The following RAP2A variants were observed in gnomAD, a reference collection of about 807,000 sequenced individuals.
RAP2A encodes ras-related protein Rap-2a.
A neutral mutation model predicts 15.1 loss-of-function variants in RAP2A; 5 were observed. The ratio of observed to expected loss-of-function variants is 0.33; its 90% CI spans 0.17 to 0.70. The LOEUF is 0.70. Ranked by LOEUF, RAP2A falls within the 30% of genes least tolerant of loss-of-function variation. RAP2A has a pLI of 0.68. For missense variants in RAP2A, 111 were observed against 240.3 expected, an observed-to-expected ratio of 0.46 and a Z score of 3.56; for synonymous variants, 110 against 99.7, an observed-to-expected ratio of 1.10 and a Z score of -0.62.
At chr13:97,436,744 C>T (rs2066635906) in intron 1 of RAP2A, among the ~76,000 whole-genome samples, 1 of 151,986 alleles carries the variant, frequency 6.6e-6, no homozygotes, top group Non-Finnish European at 1.5e-5. Flanking sequence ...TTCTGCATGC[C>T]CAGTATCATT....
chr13:97,437,906 G>A (rs970937332), intron 1 of RAP2A, among the ~76,000 whole-genome samples: 5 of 152,138 alleles, frequency 3.3e-5, no homozygotes, highest in African/African-American at 9.7e-5. Flanking sequence ...TACTTGAAAT[G>A]TTTCACTTTT....
At chr13:97,451,845 A>C (rs2066703527) in intron 1 of RAP2A, among the ~76,000 whole-genome samples, 1 of 151,252 alleles carries the variant, frequency 6.6e-6, no homozygotes, top group African/African-American at 2.4e-5. Flanking sequence ...GGATTCTAGG[A>C]ACCTCAGTGT....
Position 97,464,270 on chromosome 13 carries a change from C to T in RAP2A, c.380C>T (p.Ser127Leu), listed in dbSNP as rs1308470971. ...GACCTGGAAAGTGAGAGAGAAGTAT[C>T]GTCCAGCGAAGGCAGAGCCCTTGCT... Reference protein sequence around the residue: ...KVDLESEREVSSSEGRALAEE... With the variant: ...KVDLESEREVLSSEGRALAEE... Residue 127 changes from serine to leucine, a missense_variant, in exon 2 of 2, where the codon TCG (serine) becomes TTG (leucine). Around this residue, in one of 3 missense-constraint regions of RAP2A, gnomAD observed 74 missense variants for 132.3 expected, o/e 0.56. Coordinates refer to ENST00000245304, the MANE Select transcript of RAP2A (RefSeq NM_021033.7). 1 of 1,614,214 alleles carries T rather than the reference C, an allele frequency of 6.2e-7. No homozygotes were observed.
At position 97,434,266 on chromosome 13, in the gene RAP2A, C is replaced by G. The variant is rs2066622353; in HGVS notation, c.-205C>G. Reference sequence around the variant, plus strand: ...GTGCCTACGGGGCCGCATCGCCGCCCGGCTCGGCCCGGCCCATGCCCAGGG... The same window carrying G: ...GTGCCTACGGGGCCGCATCGCCGCCGGGCTCGGCCCGGCCCATGCCCAGGG... On this transcript the variant is annotated 5_prime_UTR_variant, in exon 1 of 2. Coordinates refer to ENST00000245304, the MANE Select transcript of RAP2A (RefSeq NM_021033.7). The G allele has an allele frequency of 6.1e-6, 1 of 162,616 alleles. No individual in the cohort carries two copies. The highest frequency in any genetic ancestry group is 1.2e-5 in the Non-Finnish European group (1 of 83,254). The allele number at this position is 162,616 out of a possible 1,614,324, so 10.1% of individuals were successfully genotyped here. A position where few individuals can be genotyped will look rare whatever the true frequency, so the allele number is the denominator to read the frequency against.
intron 1 of RAP2A, among the ~76,000 whole-genome samples, chr13:97,451,232 ATTTT>A (rs765660663): frequency 1.3e-5 from 2 of 151,824 alleles, no homozygotes; most frequent in Admixed American, 1.3e-4. Flanking sequence ...AATCTTACTG[ATTTT>A]TTTTGTTTTT....
chr13:97,468,090 CA>C lies in RAP2A; in HGVS notation c.*3653del, dbSNP rs1315786755. ...TATAATGAATTTAGTACTCTTCATA[CA>C]AAAATATTTTAGCTGATTTGAGAGT... On this transcript the variant is annotated 3_prime_UTR_variant, in exon 2 of 2. Coordinates refer to ENST00000245304, the MANE Select transcript of RAP2A (RefSeq NM_021033.7). 1 of 151,962 alleles carries C rather than the reference CA, an allele frequency of 6.6e-6. No individual in the cohort carries two copies. 9.4% of individuals were successfully genotyped at this position (151,962 alleles called of 1,614,324 possible). A position where few individuals can be genotyped will look rare whatever the true frequency, so the allele number is the denominator to read the frequency against.
At chr13:97,447,411 A>C (rs968047120) in intron 1 of RAP2A, among the ~76,000 whole-genome samples, 3 of 152,210 alleles carry the variant, frequency 2.0e-5, no homozygotes, top group Non-Finnish European at 4.4e-5. Context: ...TCTGTTGATG[A>C]AGAAAGAGTC....
chr13:97,443,784 C>G (rs946349412), intron 1 of RAP2A, among the ~76,000 whole-genome samples: 8 of 152,108 alleles, frequency 5.3e-5, no homozygotes, highest in African/African-American at 1.9e-4. Flanking sequence ...ATATACTTAT[C>G]TTCTCATCCA....
In RAP2A at chr13:97,468,621, T is replaced by G. The variant is rs1038779999; in HGVS notation, c.*4179T>G. 3.3e-4 allele frequency: 51 copies of G among 152,368 alleles called. No individual in the cohort carries two copies. The highest frequency in any genetic ancestry group is 1.2e-3 in the African/African-American group (48 of 41,590). The allele number at this position is 152,368 out of a possible 1,614,324, so 9.4% of individuals were successfully genotyped here. A position where few individuals can be genotyped will look rare whatever the true frequency, so the allele number is the denominator to read the frequency against. Reference sequence around the variant, plus strand: ...CACCAGTTGAGAAGCTTCATTGTTTTAGATTATAAGAATAATTTGAATGAA... The same window carrying G: ...CACCAGTTGAGAAGCTTCATTGTTTGAGATTATAAGAATAATTTGAATGAA... On this transcript the variant is annotated 3_prime_UTR_variant, in exon 2 of 2. Coordinates refer to ENST00000245304, the MANE Select transcript of RAP2A (RefSeq NM_021033.7).
At chr13:97,456,122 A>C (rs1481752016) in intron 1 of RAP2A, among the ~76,000 whole-genome samples, 1 of 144,542 alleles carries the variant, frequency 6.9e-6, no homozygotes, top group African/African-American at 2.6e-5. Context: ...CTGTGAAATA[A>C]GAAGGAAAAA....
At chr13:97,457,710 T>C (rs1449885513) in intron 1 of RAP2A, among the ~76,000 whole-genome samples, 1 of 152,174 alleles carries the variant, frequency 6.6e-6, no homozygotes. Context: ...GGTATACTTA[T>C]ATTGATATAT....
chr13:97,456,566 C>T (rs1230442709), intron 1 of RAP2A, among the ~76,000 whole-genome samples: 2 of 152,030 alleles, frequency 1.3e-5, no homozygotes, highest in Middle Eastern at 3.2e-3. Flanking sequence ...ACCAGTGGTC[C>T]ACAATCCAGT....
In RAP2A at chr13:97,465,313, A is replaced by G. The variant is rs1188098009; in HGVS notation, c.*871A>G. The G allele has an allele frequency of 2.0e-5, 3 of 152,672 alleles. No homozygotes were observed. Among genetic ancestry groups the G allele is most frequent in the Non-Finnish European group, 4.4e-5 (3 of 68,056 alleles). 9.5% of individuals were successfully genotyped at this position (152,672 alleles called of 1,614,324 possible). ...TTCTAATAGATAAACTAGTACCATC[A>G]TGTAAGGAAGATGAAGCCATGTTGC... On this transcript the variant is annotated 3_prime_UTR_variant, in exon 2 of 2. Coordinates refer to ENST00000245304, the MANE Select transcript of RAP2A (RefSeq NM_021033.7).
chr13:97,460,580 G>A (rs2066742024), intron 1 of RAP2A, among the ~76,000 whole-genome samples: 3 of 152,008 alleles, frequency 2.0e-5, no homozygotes, highest in Admixed American at 2.0e-4. Flanking sequence ...CTCATGCAGT[G>A]CAGTCATCTA....
chr13:97,452,528 G>A (rs2066705932), intron 1 of RAP2A, among the ~76,000 whole-genome samples: 2 of 151,194 alleles, frequency 1.3e-5, no homozygotes, highest in Admixed American at 6.6e-5. Flanking sequence ...TTTATAGTAA[G>A]TATTGATATC....
In RAP2A at chr13:97,448,855, C is replaced by G. The variant is rs554451085; in HGVS notation, c.314+14071C>G. 2.6e-5 allele frequency among the ~76,000 whole-genome samples: 4 copies of G among 152,294 alleles called. No individual in the cohort carries two copies. In the South Asian group the frequency reaches 8.3e-4, roughly 32 times the overall value. ...CTGTAAGGATTCTTCAAGGCACTGC[C>G]TCCCTAAGGAAAAGCAACAGGAGGG... On this transcript the variant is annotated intron_variant, in intron 1 of 1. Transcript: ENST00000245304.
chr13:97,463,054 G>T (rs559154745), intron 1 of RAP2A, among the ~76,000 whole-genome samples: 14 of 152,198 alleles, frequency 9.2e-5, no homozygotes, highest in African/African-American at 2.2e-4. Context: ...ACTTTTGTGC[G>T]ATCTTGCTGT....
intron 1 of RAP2A, among the ~76,000 whole-genome samples, chr13:97,448,178 A>T (rs2066687433): frequency 6.6e-6 from 1 of 152,188 alleles, no homozygotes; most frequent in African/African-American, 2.4e-5. Flanking sequence ...CTTTTCCACA[A>T]GAATAATGGT....
rs761504216 is a variant in RAP2A, at chr13:97,464,278, G to A, written c.388G>A (p.Glu130Lys). 5.6e-6 allele frequency: 9 copies of A among 1,614,122 alleles called. No individual in the cohort carries two copies. Among genetic ancestry groups the A allele is most frequent in the East Asian group, 2.2e-5 (1 of 44,890 alleles). The change falls in exon 2 of 2, where the codon GAA (glutamate) becomes AAA (lysine). Residue 130 changes from glutamate to lysine, a missense_variant. Physicochemically the swap from Glu to Lys is moderately conservative, Grantham distance 56 (BLOSUM62 1). Transcript: ENST00000245304. ...LESEREVSSS[E>K]GRALAEEWGC... is the part of the protein sequence containing the mutation. ...AAGTGAGAGAGAAGTATCGTCCAGC[G>A]AAGGCAGAGCCCTTGCTGAAGAGTG...
Sources: allele counts gnomAD v4.1 joint callset (sites outside exome capture counted in the v4.1 genomes callset), GRCh38; gene constraint gnomAD v4.1.1; regional missense constraint gnomAD v4.1.1; transcripts MANE v1.5; gene names NCBI Gene and HGNC (gene_info 2026-07-23, HGNC 2026-07-21).